ATL1: variants seen among roughly 807,000 people sequenced by gnomAD.
The protein encoded by ATL1 is atlastin GTPase 1.
Under a neutral mutation model 75.5 loss-of-function variants are expected in ATL1, and 31 were observed. The ratio of observed to expected loss-of-function variants is 0.41; its 90% CI spans 0.31 to 0.55. ATL1 has a LOEUF of 0.55. ATL1 is among the 20% of genes least tolerant of loss of function. ATL1 has a pLI of 0.27. For synonymous variants in ATL1, 226 were observed against 233.3 expected (o/e 0.97, Z 0.28); for missense variants, 405 against 662.6 (o/e 0.61, Z 4.27).
At chr14:50,563,136 A>G (rs990544054) in intron 1 of ATL1, among the ~76,000 whole-genome samples, 1 of 152,200 alleles carries the variant, frequency 6.6e-6, no homozygotes, top group African/African-American at 2.4e-5. Context: ...GTTTCAATGC[A>G]TATTCATCTG....
chr14:50,622,407 C>T (rs36089290), intron 10 of ATL1, among the ~76,000 whole-genome samples: 3,611 of 152,142 alleles, frequency 0.024, 59 homozygotes, highest in Non-Finnish European at 0.036. Context: ...GTGGCTCATG[C>T]CTGTAATCCC....
At chr14:50,579,783 C>T (rs1391622358) in intron 1 of ATL1, among the ~76,000 whole-genome samples, 1 of 152,148 alleles carries the variant, frequency 6.6e-6, no homozygotes, top group Non-Finnish European at 1.5e-5. Context: ...GCTCCACATT[C>T]AGTAAATCAC....
intron 5 of ATL1, among the ~76,000 whole-genome samples, chr14:50,594,648 G>C (rs2039195194): frequency 2.0e-5 from 3 of 152,114 alleles, no homozygotes; most frequent in African/African-American, 7.2e-5. Context: ...CAACTCTCCA[G>C]GTTTATTATG....
chr14:50,587,952 A>G lies in ATL1; in HGVS notation c.156A>G (p.Ala52=). ...DDHSFELDET[A]LNRILLSEAV... ...ATTCCTTTGAGTTAGATGAAACTGC[A>G]TTAAATCGGATCCTTCTCTCGGAGG... Residue 52 remains alanine, a synonymous_variant, in exon 2 of 14, where the codon GCA becomes GCG. Coordinates refer to ENST00000358385, the MANE Select transcript of ATL1 (RefSeq NM_015915.5). 3 of 1,614,164 alleles carry G rather than the reference A, an allele frequency of 1.9e-6. No homozygotes were observed. Among genetic ancestry groups the G allele is most frequent in the Non-Finnish European group, 2.5e-6 (3 of 1,180,032 alleles).
intron 10 of ATL1, among the ~76,000 whole-genome samples, chr14:50,622,765 C>T (rs1009079589): frequency 4.6e-5 from 7 of 152,012 alleles, no homozygotes; most frequent in African/African-American, 1.7e-4. Flanking sequence ...TTAATAGTTC[C>T]TTTTTGTTAT....
intron 1 of ATL1, among the ~76,000 whole-genome samples, chr14:50,550,607 A>G (rs1468334704): frequency 6.6e-6 from 1 of 152,230 alleles, no homozygotes; most frequent in Admixed American, 6.5e-5. Flanking sequence ...GGAAGGCCTG[A>G]TTGCCAGTGC....
At chr14:50,565,043 T>C (rs1409703209) in intron 1 of ATL1, among the ~76,000 whole-genome samples, 4 of 152,022 alleles carry the variant, frequency 2.6e-5, no homozygotes, top group Non-Finnish European at 5.9e-5. Flanking sequence ...TCCCAGAACT[T>C]TGGGAGGCCA....
upstream of ATL1, among the ~76,000 whole-genome samples, chr14:50,556,882 A>G (rs2038771309): frequency 6.6e-6 from 1 of 152,170 alleles, no homozygotes; most frequent in South Asian, 2.1e-4. Context: ...CATTTTGTTT[A>G]TCCATTCACT....
At chr14:50,567,520 A>G (rs1392494921) in intron 1 of ATL1, among the ~76,000 whole-genome samples, 1 of 152,156 alleles carries the variant, frequency 6.6e-6, no homozygotes, top group Non-Finnish European at 1.5e-5. Context: ...TCTATTTTTA[A>G]TGTTTTAAGG....
chr14:50,590,847 C>A, intron 2 of ATL1, 94 bp from the exon 3 acceptor site: 1 of 1,343,434 alleles, frequency 7.4e-7, no homozygotes. Context: ...TTCCTTTTAA[C>A]TCGAATTGGA....
chr14:50,613,523 C>T (rs936037862), intron 7 of ATL1, among the ~76,000 whole-genome samples, 172 bp downstream of exon 7: 1 of 152,044 alleles, frequency 6.6e-6, no homozygotes, highest in African/African-American at 2.4e-5. Context: ...ATAAGTTACT[C>T]CTAAAGATAA....
At chr14:50,592,155 T>A (rs914228598) in intron 4 of ATL1, among the ~76,000 whole-genome samples, 1 of 152,198 alleles carries the variant, frequency 6.6e-6, no homozygotes, top group African/African-American at 2.4e-5. Context: ...TTCTTTCACT[T>A]TTTTAAAAGT....
In ATL1 at chr14:50,536,219, C is replaced by T. The variant is rs1007520617; in HGVS notation, c.-140+2852C>T. On this transcript the variant is annotated intron_variant, in intron 1 of 13. Coordinates refer to the ATL1 transcript ENST00000441560. ...CAGCACTTTGGGAGGCCAAGGTGGG[C>T]GGATCATCTGAGGTCGGGAGTTTGA... is the stretch of plus-strand genomic sequence containing the variant. 3.3e-5 allele frequency among the ~76,000 whole-genome samples: 5 copies of T among 152,244 alleles called. No homozygotes were observed. The East Asian group carries it at 5.8e-4, about 18-fold the overall frequency.
intron 1 of ATL1, among the ~76,000 whole-genome samples, 191 bp from the exon 2 acceptor site, chr14:50,587,640 C>T (rs1321692669): frequency 6.6e-6 from 1 of 152,082 alleles, no homozygotes; most frequent in Non-Finnish European, 1.5e-5. Context: ...GACTCCTGGG[C>T]TCAAGCGATC....
intron 1 of ATL1, among the ~76,000 whole-genome samples, chr14:50,568,156 A>G (rs2038921708): frequency 2.0e-5 from 3 of 152,192 alleles, no homozygotes; most frequent in Admixed American, 1.3e-4. Context: ...TTTGCTTCAT[A>G]TATTTTGATA....
At chr14:50,569,857 A>G (rs1330429987) in intron 1 of ATL1, among the ~76,000 whole-genome samples, 4 of 152,180 alleles carry the variant, frequency 2.6e-5, no homozygotes, top group African/African-American at 7.2e-5. Context: ...TTCAGCACTT[A>G]GACTATGTCT....
At chr14:50,554,687 A>C (rs1490004436) in intron 1 of ATL1, among the ~76,000 whole-genome samples, 1 of 152,226 alleles carries the variant, frequency 6.6e-6, no homozygotes, top group East Asian at 1.9e-4. Flanking sequence ...ACAGTAGGCA[A>C]AGAAGTTACA....
chr14:50,557,965 C>T (rs978196705), upstream of ATL1, among the ~76,000 whole-genome samples: 11 of 152,206 alleles, frequency 7.2e-5, no homozygotes, highest in Non-Finnish European at 1.2e-4. Context: ...AAAGGACACA[C>T]GAGCTGACCC....
intron 1 of ATL1, among the ~76,000 whole-genome samples, chr14:50,549,233 A>G (rs1278244191): frequency 3.3e-5 from 5 of 152,132 alleles, no homozygotes; most frequent in Non-Finnish European, 5.9e-5. Flanking sequence ...CCCAACACCA[A>G]TGGTCAGTGG....
Sources: gnomAD v4.1 joint callset for allele counts (sites outside exome capture counted in the v4.1 genomes callset) on GRCh38, gnomAD v4.1.1 for gene constraint, MANE v1.5 for transcripts, NCBI Gene and HGNC (gene_info 2026-07-23, HGNC 2026-07-21) for gene names.